The following SSU72 variants were observed in gnomAD, a reference collection of about 807,000 sequenced individuals.
SSU72 encodes SSU72 homolog, RNA polymerase II CTD phosphatase.
Under a neutral mutation model 22.7 loss-of-function variants are expected in SSU72, and 12 were observed. That is an observed-to-expected ratio of 0.53 (90% CI 0.34 to 0.86). SSU72 has a LOEUF of 0.86. Among genes scored for constraint, SSU72 ranks in the 40% least tolerant of loss-of-function variants. SSU72 has a pLI of 0.02. For missense variants in SSU72, 151 were observed against 249.8 expected (o/e 0.60, Z 2.67); for synonymous variants, 116 against 98.3 (o/e 1.18, Z -1.06).
intron 1 of SSU72, among the ~76,000 whole-genome samples, chr1:1,570,433 T>A (rs1472729053): frequency 6.7e-6 from 1 of 150,226 alleles, no homozygotes; most frequent in Non-Finnish European, 1.5e-5. Context: ...TCTGAAGGAT[T>A]TCCTGCCCGT....
chr1:1,566,275 C>T (rs1240413196), intron 1 of SSU72, among the ~76,000 whole-genome samples: 1 of 151,594 alleles, frequency 6.6e-6, no homozygotes, highest in African/African-American at 2.4e-5. Context: ...AAAAAAACAA[C>T]AAAAAAAGTT....
In SSU72 at chr1:1,574,863, C is replaced by T. The variant is rs1476425224; in HGVS notation, c.-306G>A. On this transcript the variant is annotated 5_prime_UTR_variant, in exon 1 of 5. In the 5' UTR this introduces an upstream ATG that the reference lacks. Coordinates refer to ENST00000291386, the MANE Select transcript of SSU72 (RefSeq NM_014188.3). ...CTCCACAAGGCCCGGCTGAGCGTCA[C>T]GGCGCCAAGCGGCGGCGTCCTGACA... The T allele has an allele frequency of 1.4e-5, 5 of 360,810 alleles. No homozygotes were observed. Among genetic ancestry groups the T allele is most frequent in the Non-Finnish European group, 2.7e-5 (5 of 183,072 alleles). 22.4% of individuals were successfully genotyped at this position (360,810 alleles called of 1,614,324 possible).
chr1:1,557,614 G>T (rs1282899999), intron 2 of SSU72, among the ~76,000 whole-genome samples: 4 of 151,860 alleles, frequency 2.6e-5, no homozygotes, highest in African/African-American at 9.7e-5. Context: ...GGCCAACGTG[G>T]TGAAACCCCA....
At chr1:1,556,066 C>A (rs147806232) in intron 2 of SSU72, among the ~76,000 whole-genome samples, 3 of 152,142 alleles carry the variant, frequency 2.0e-5, no homozygotes, top group Non-Finnish European at 4.4e-5. Flanking sequence ...GAGGCCAATG[C>A]GGGTGGATCA....
intron 2 of SSU72, chr1:1,561,036 CGGCCCT>C (rs1231790296): frequency 6.6e-6 from 1 of 152,210 alleles, no homozygotes; most frequent in African/African-American, 2.4e-5. Flanking sequence ...CCCTCGACCC[CGGCCCT>C]GCCTCTGAAC....
At chr1:1,565,915 A>G (rs1267706331) in intron 1 of SSU72, among the ~76,000 whole-genome samples, 1 of 152,238 alleles carries the variant, frequency 6.6e-6, no homozygotes. Context: ...TTCTTCTGTC[A>G]TCGCTGACAA....
chr1:1,556,413 GC>G (rs1288939209), intron 2 of SSU72, among the ~76,000 whole-genome samples: 1 of 151,940 alleles, frequency 6.6e-6, no homozygotes, highest in African/African-American at 2.4e-5. Context: ...GGTGGGGGGC[GC>G]CCGTAATCCC....
At chr1:1,566,886 G>T (rs1570398725) in intron 1 of SSU72, among the ~76,000 whole-genome samples, 1 of 152,002 alleles carries the variant, frequency 6.6e-6, no homozygotes, top group African/African-American at 2.4e-5. Context: ...AATGTTGAAT[G>T]AGTAACAGTG....
At chr1:1,566,305 G>A (rs1007038230) in intron 1 of SSU72, among the ~76,000 whole-genome samples, 1 of 152,116 alleles carries the variant, frequency 6.6e-6, no homozygotes, top group African/African-American at 2.4e-5. Context: ...TAGAACATGT[G>A]TTCTTGTAAA....
At chr1:1,570,283 GAAAAAAAAAACAA>G (rs1642711503) in intron 1 of SSU72, among the ~76,000 whole-genome samples, 1 of 103,854 alleles carries the variant, frequency 9.6e-6, no homozygotes, top group African/African-American at 5.2e-5. Flanking sequence ...ACTCTGGCTT[GAAAAAAAAAACAA>G]AAAAAAAAGG....
intron 3 of SSU72, 184 bp downstream of exon 3, chr1:1,544,679 C>A: frequency 1.4e-6 from 1 of 715,550 alleles, no homozygotes; most frequent in South Asian, 1.6e-5. Flanking sequence ...GAGGCTGCAG[C>A]CAGCACATGG....
At chr1:1,551,278 G>A (rs1346731001) in intron 2 of SSU72, among the ~76,000 whole-genome samples, 3 of 152,160 alleles carry the variant, frequency 2.0e-5, no homozygotes, top group African/African-American at 7.2e-5. Flanking sequence ...ATGAAAACTA[G>A]AAAAATAAGC....
chr1:1,560,640 T>C (rs1642577477), intron 2 of SSU72, among the ~76,000 whole-genome samples: 2 of 152,182 alleles, frequency 1.3e-5, no homozygotes, highest in East Asian at 3.8e-4. Context: ...TTTTTCACTT[T>C]AGCATGGGGT....
At chr1:1,572,976 T>C (rs995404846) in intron 1 of SSU72, among the ~76,000 whole-genome samples, 37 of 151,496 alleles carry the variant, frequency 2.4e-4, no homozygotes, top group African/African-American at 8.7e-4. Context: ...AATGTAATTC[T>C]AGCACATTTC....
In SSU72 at chr1:1,564,849, C is replaced by T. The variant is rs772427854; in HGVS notation, c.148G>A (p.Asp50Asn). Reference protein sequence around the residue: ...THVKLPGPAPDKPNVYDFKTT... With the variant: ...THVKLPGPAPNKPNVYDFKTT... ...TTGAAATCATAAACATTGGGCTTGT[C>T]GGGAGCTGGTCCTGGAAGCTTCACG... The change falls in exon 2 of 5, where the codon GAC (aspartate) becomes AAC (asparagine). Residue 50 changes from aspartate (D) to asparagine (N), a missense_variant. Transcript: ENST00000291386. 11 of 1,613,934 alleles carry T rather than the reference C, an allele frequency of 6.8e-6. No homozygotes were observed. The Admixed American group carries it at 1.2e-4, about 17-fold the overall frequency.
At chr1:1,566,415 C>T (rs764613849) in intron 1 of SSU72, among the ~76,000 whole-genome samples, 18 of 152,102 alleles carry the variant, frequency 1.2e-4, no homozygotes, top group Non-Finnish European at 2.4e-4. Context: ...ATCTGCCTGG[C>T]TCAGGGCGCA....
intron 1 of SSU72, among the ~76,000 whole-genome samples, chr1:1,568,377 A>G (rs1004971783): frequency 2.0e-5 from 3 of 152,142 alleles, no homozygotes; most frequent in African/African-American, 7.2e-5. Flanking sequence ...GGATCACTTC[A>G]GCTCAGGAGT....
In SSU72 at chr1:1,554,210, G is replaced by A. The variant is rs1334396360; in HGVS notation, c.225-9208C>T. Among the ~76,000 whole-genome samples, 2 of 143,594 alleles carry A rather than the reference G, an allele frequency of 1.4e-5. No individual in the cohort carries two copies. Among genetic ancestry groups the A allele is most frequent in the South Asian group, 2.1e-4 (1 of 4,758 alleles). The allele number at this position is 143,594 out of a possible 152,430, so 94.2% of individuals were successfully genotyped here. On this transcript the variant is annotated intron_variant, in intron 2 of 4. Transcript: ENST00000291386. This position sits in a 1 kb window ranked among gnomAD's most constrained non-coding sequence, Gnocchi z 4.1. The stretch of plus-strand genomic sequence containing the variant: ...CGAAGCTGAGCACGAGGCGGATCCG[G>A]ACCACTAAGGGGTCCCCACGAAGCT...
intron 1 of SSU72, among the ~76,000 whole-genome samples, chr1:1,573,772 TCTTA>T (rs1392068212): frequency 6.6e-6 from 1 of 152,212 alleles, no homozygotes; most frequent in Non-Finnish European, 1.5e-5. Flanking sequence ...ATTTCAACTT[TCTTA>T]CTATCAAAGT....
Sources: gnomAD v4.1 joint callset for allele counts (sites outside exome capture counted in the v4.1 genomes callset) on GRCh38, gnomAD v4.1.1 for gene constraint, Gnocchi (gnomAD v3.1) non-coding constraint, MANE v1.5 for transcripts, NCBI Gene and HGNC (gene_info 2026-07-23, HGNC 2026-07-21) for gene names.